CHKA: variants seen among roughly 807,000 people sequenced by gnomAD.
CHKA encodes the protein choline kinase alpha.
Under a neutral mutation model 60.1 loss-of-function variants are expected in CHKA, and 34 were observed. That is an observed-to-expected ratio of 0.57 (90% confidence interval 0.43 to 0.75). The LOEUF (loss-of-function observed/expected upper bound fraction) is 0.75, where lower values mean the gene tolerates loss of function less well. Among genes scored for constraint, CHKA ranks in the 30% least tolerant of loss-of-function variants. The probability of loss-of-function intolerance (pLI) is 0.00; values close to 1 mark genes in which losing one functional copy is unlikely to be tolerated. For synonymous variants in CHKA, 217 were observed against 223.1 expected (o/e 0.97, Z 0.24); for missense variants, 563 against 561.3 (o/e 1.00, Z -0.03).
chr11:68,097,258 CA>C, intron 1 of CHKA, 128 bp from the exon 2 acceptor site: 1 of 575,892 alleles, frequency 1.7e-6, no homozygotes, highest in Non-Finnish European at 3.0e-6. Flanking sequence ...TTTATTCTCT[CA>C]ATTTAACTCC....
intron 6 of CHKA, among the ~76,000 whole-genome samples, chr11:68,069,944 C>T (rs1746666073): frequency 6.6e-6 from 1 of 152,186 alleles, no homozygotes; most frequent in African/African-American, 2.4e-5. Flanking sequence ...ACTCCTTTGA[C>T]ATTTTCCTTC....
At chr11:68,070,937 G>A (rs958813944) in intron 4 of CHKA, 80 bp from the exon 5 acceptor site, 1 of 1,446,160 alleles carries the variant, frequency 6.9e-7, no homozygotes, top group Non-Finnish European at 9.6e-7. Context: ...TTAGGAACGA[G>A]AAGTGTTTTT....
Position 68,121,319 on chromosome 11 carries a change from G to GGCAGCGGCT in CHKA, c.-143_-142insAGCCGCTGC. 3.1e-6 allele frequency: 1 copy of GGCAGCGGCT among 319,166 alleles called. No individual in the cohort carries two copies. The highest frequency in any genetic ancestry group is 4.2e-6 in the Non-Finnish European group (1 of 240,210). 19.8% of individuals were successfully genotyped at this position (319,166 alleles called of 1,614,324 possible). ...GCGGCGGTTGGGCGCGCGGGGCGGC[G>GGCAGCGGCT]GCGGCGGCTGCGGCGACTGCGGCGA... On this transcript the variant is annotated 5_prime_UTR_variant, in exon 1 of 12. Transcript: ENST00000265689.
intron 3 of CHKA, among the ~76,000 whole-genome samples, chr11:68,076,424 T>C (rs544929686): frequency 8.5e-5 from 13 of 152,288 alleles, no homozygotes; most frequent in African/African-American, 3.1e-4. Flanking sequence ...AGTCCCCATC[T>C]TACTCCAAGC....
At position 68,053,665 on chromosome 11, in the gene CHKA, T is replaced by C. The variant is rs896964838; in HGVS notation, c.*323A>G. On this transcript the variant is annotated 3_prime_UTR_variant, in exon 12 of 12. Transcript: ENST00000265689. ...TACCTGCAAGTAACACTGCTTACTC[T>C]TGCTGTTTGCCTCATCTGACTGGAA... is the stretch of plus-strand genomic sequence containing the variant. 20 of 305,952 alleles carry C rather than the reference T, an allele frequency of 6.5e-5. No individual in the cohort carries two copies. The highest frequency in any genetic ancestry group is 4.8e-5 in the Admixed American group (1 of 20,938). The allele number at this position is 305,952 out of a possible 1,614,324, so 19.0% of individuals were successfully genotyped here.
At chr11:68,109,294 TTAG>T (rs1858044217) in intron 1 of CHKA, among the ~76,000 whole-genome samples, 1 of 152,034 alleles carries the variant, frequency 6.6e-6, no homozygotes, top group Non-Finnish European at 1.5e-5. Context: ...TTTCACCGTG[TTAG>T]CCAGGATGGT....
intron 2 of CHKA, among the ~76,000 whole-genome samples, chr11:68,092,857 T>C (rs1347963486): frequency 1.3e-5 from 2 of 152,196 alleles, no homozygotes; most frequent in South Asian, 2.1e-4. Context: ...TGAATAATTA[T>C]ATTGAAAATA....
At chr11:68,116,689 C>T (rs1228460703) in intron 1 of CHKA, among the ~76,000 whole-genome samples, 1 of 151,580 alleles carries the variant, frequency 6.6e-6, no homozygotes, top group Non-Finnish European at 1.5e-5. Flanking sequence ...TGTGCTCCCG[C>T]CTGGGCAACA....
chr11:68,062,848 T>C (rs535265087), intron 10 of CHKA, among the ~76,000 whole-genome samples: 6 of 152,128 alleles, frequency 3.9e-5, no homozygotes, highest in Non-Finnish European at 7.3e-5. Context: ...GGTAGGCAGG[T>C]GTGACATCAC....
chr11:68,060,990 T>C (rs1259171162), intron 11 of CHKA, among the ~76,000 whole-genome samples: 1 of 152,076 alleles, frequency 6.6e-6, no homozygotes, highest in Non-Finnish European at 1.5e-5. Flanking sequence ...TGGACATTTG[T>C]GTTATCCCCC....
chr11:68,119,398 C>T (rs1272810165), intron 1 of CHKA, among the ~76,000 whole-genome samples: 1 of 152,114 alleles, frequency 6.6e-6, no homozygotes, highest in African/African-American at 2.4e-5. Flanking sequence ...TGGCAGCCAG[C>T]CAGCAAATTT....
chr11:68,083,825 A>C (rs1472567937), intron 2 of CHKA, among the ~76,000 whole-genome samples: 1 of 152,224 alleles, frequency 6.6e-6, no homozygotes, highest in Non-Finnish European at 1.5e-5. Flanking sequence ...CTGTTTCCTC[A>C]GTACAGAATG....
intron 11 of CHKA, among the ~76,000 whole-genome samples, chr11:68,059,272 T>TA (rs1186988777): frequency 1.3e-5 from 2 of 152,218 alleles, no homozygotes; most frequent in African/African-American, 2.4e-5. Context: ...GATTTTTTTT[T>TA]ATCACATTGG....
At chr11:68,059,907 A>G (rs914851625) in intron 11 of CHKA, among the ~76,000 whole-genome samples, 1 of 152,012 alleles carries the variant, frequency 6.6e-6, no homozygotes, top group Non-Finnish European at 1.5e-5. Flanking sequence ...TGGCAGGGAG[A>G]GTTGTAAGGC....
chr11:68,120,225 G>T (rs1257450290), intron 1 of CHKA, among the ~76,000 whole-genome samples: 1 of 126,286 alleles, frequency 7.9e-6, no homozygotes, highest in South Asian at 2.4e-4. Context: ...GCGAAACTCC[G>T]TCTCAAAAAA....
At chr11:68,091,828 GTAAAATGTTACCACCTCTGA>G (rs1448479850) in intron 2 of CHKA, among the ~76,000 whole-genome samples, 1 of 152,106 alleles carries the variant, frequency 6.6e-6, no homozygotes, top group Non-Finnish European at 1.5e-5. Flanking sequence ...CAAAGAACGT[GTAAAATGTTACCACCTCTGA>G]TTCTCACAGA....
At chr11:68,113,190 T>C (rs1858244465) in intron 1 of CHKA, among the ~76,000 whole-genome samples, 1 of 146,246 alleles carries the variant, frequency 6.8e-6, no homozygotes, top group Non-Finnish European at 1.5e-5. Context: ...GCCCCTATAG[T>C]CCCAGATACT....
In CHKA at chr11:68,057,845, T is replaced by C. The variant is rs564389371; in HGVS notation, c.1315-3798A>G. 3.9e-5 allele frequency among the ~76,000 whole-genome samples: 6 copies of C among 152,346 alleles called. No homozygotes were observed. In the South Asian group the frequency reaches 1.0e-3, roughly 26 times the overall value. Reference sequence around the variant, plus strand: ...TTCTGTTGAGTACCAGGTGATTATATACACATGGATCAATTTCTGGACACT... The same window carrying C: ...TTCTGTTGAGTACCAGGTGATTATACACACATGGATCAATTTCTGGACACT... On this transcript the variant is annotated intron_variant, in intron 11 of 11. Coordinates refer to ENST00000265689, the MANE Select transcript of CHKA (RefSeq NM_001277.3).
intron 4 of CHKA, among the ~76,000 whole-genome samples, chr11:68,074,079 C>T (rs1370195291): frequency 6.6e-6 from 1 of 152,138 alleles, no homozygotes; most frequent in Non-Finnish European, 1.5e-5. Context: ...GGTAGAGGAA[C>T]AGGACCTATG....
Sources: allele counts gnomAD v4.1 joint callset (sites outside exome capture counted in the v4.1 genomes callset), GRCh38; gene constraint gnomAD v4.1.1; transcripts MANE v1.5; gene names NCBI Gene and HGNC (gene_info 2026-07-23, HGNC 2026-07-21).